Variants in UNC79 observed in about 807,000 individuals in gnomAD.
UNC79 encodes unc-79 subunit of NALCN channel complex.
UNC79 carries 37 observed loss-of-function variants against 283.1 expected under a neutral mutation model. The observed-to-expected ratio is 0.13, with a 90% confidence interval of 0.10 to 0.17. The LOEUF (loss-of-function observed/expected upper bound fraction) is 0.17, where lower values mean the gene tolerates loss of function less well. Among genes scored for constraint, UNC79 ranks in the 10% least tolerant of loss-of-function variants. The pLI, the probability that UNC79 is intolerant of heterozygous loss-of-function variation, is 1.00. For synonymous variants in UNC79, 1,107 were observed against 1,200.2 expected (o/e 0.92, Z 1.61); for missense variants, 2,272 against 3,211.1 (o/e 0.71, Z 7.07).
At chr14:93,706,907 G>A (rs1395228703), downstream of UNC79, 1 of 1,614,150 alleles carries the variant, frequency 6.2e-7, no homozygotes, top group Non-Finnish European at 8.5e-7. Flanking sequence ...CTCTATGAGT[G>A]GACTCCTCGG....
chr14:93,542,325 A>G (rs1031930414), intron 13 of UNC79, 141 bp from the exon 14 acceptor site: 7 of 795,382 alleles, frequency 8.8e-6, no homozygotes, highest in East Asian at 2.7e-5. Flanking sequence ...TGGATAAGCG[A>G]TCCCCATTTT....
At chr14:93,453,793 C>CA in intron 1 of UNC79, among the ~76,000 whole-genome samples, 1 of 152,194 alleles carries the variant, frequency 6.6e-6, no homozygotes, top group Non-Finnish European at 1.5e-5. Context: ...CAAATTGTTA[C>CA]ATATCCAACA....
chr14:93,628,475 C>T (rs775246738), intron 30 of UNC79, among the ~76,000 whole-genome samples: 12 of 152,224 alleles, frequency 7.9e-5, no homozygotes, highest in African/African-American at 2.7e-4. Context: ...TCTTTCTCTT[C>T]TCTGTTTCTC....
chr14:93,580,165 A>G (rs764690616), exon 19 of UNC79: 19 of 1,613,032 alleles, frequency 1.2e-5, no homozygotes, highest in Admixed American at 1.7e-5. Context: ...TTACAAGATG[A>G]TGGAATCACG....
In UNC79 at chr14:93,654,041, T is replaced by A. The variant is rs2070622127; in HGVS notation, c.6282+16T>A. On this transcript the variant is annotated intron_variant, in intron 37 of 48. Coordinates refer to ENST00000555664, the Ensembl canonical transcript of UNC79. ...GCTCCTAGAGGTGGGTTTCCTTTAA[T>A]GACACCCTAAGCCCCAGCCGAAACT... 6.2e-7 allele frequency: 1 copy of A among 1,612,798 alleles called. No homozygotes were observed. Among genetic ancestry groups the A allele is most frequent in the African/African-American group, 1.3e-5 (1 of 74,882 alleles).
intron 35 of UNC79, among the ~76,000 whole-genome samples, chr14:93,647,434 GCA>G (rs1408911976): frequency 6.6e-6 from 1 of 152,198 alleles, no homozygotes; most frequent in Non-Finnish European, 1.5e-5. Context: ...GTCAAGGACA[GCA>G]TTTTTGAGGA....
At chr14:93,507,929 C>A (rs1034223881) in intron 7 of UNC79, among the ~76,000 whole-genome samples, 5 of 152,038 alleles carry the variant, frequency 3.3e-5, no homozygotes, top group Admixed American at 2.0e-4. Context: ...ATTTCCAGTG[C>A]CCTTTGTTGA....
At chr14:93,498,779 T>C (rs1191260647) in intron 7 of UNC79, among the ~76,000 whole-genome samples, 1 of 152,118 alleles carries the variant, frequency 6.6e-6, no homozygotes, top group Non-Finnish European at 1.5e-5. Flanking sequence ...TGTTTATGTA[T>C]ATATATTATT....
intron 14 of UNC79, among the ~76,000 whole-genome samples, chr14:93,563,171 G>T (rs1199449866): frequency 5.9e-5 from 9 of 152,200 alleles, no homozygotes; most frequent in African/African-American, 2.2e-4. Context: ...ATAGGTGGAA[G>T]TTTCAAAGGG....
At chr14:93,345,501 A>G (rs1342231813) in intron 1 of UNC79, among the ~76,000 whole-genome samples, 1 of 152,258 alleles carries the variant, frequency 6.6e-6, no homozygotes, top group Non-Finnish European at 1.5e-5. Context: ...AAAGAAATCT[A>G]AAGTGATAAT....
exon 15 of UNC79, chr14:93,571,920 T>C (rs1288577311): frequency 1.2e-6 from 2 of 1,614,024 alleles, no homozygotes; most frequent in Non-Finnish European, 1.7e-6. Context: ...ATAAGTCCTG[T>C]AGCACAGTGA....
At chr14:93,641,229 C>T (rs376210067) in exon 33 of UNC79, 32 of 1,612,554 alleles carry the variant, frequency 2.0e-5, no homozygotes, top group African/African-American at 1.1e-4. Context: ...GACGAGCAGC[C>T]GACGGTGATG....
At chr14:93,506,960 T>C (rs2059576389) in intron 7 of UNC79, among the ~76,000 whole-genome samples, 1 of 152,216 alleles carries the variant, frequency 6.6e-6, no homozygotes, top group Non-Finnish European at 1.5e-5. Context: ...TTCTACATAA[T>C]TCATATATTC....
In UNC79 at chr14:93,493,556, C is replaced by T. The variant is rs1042912633; in HGVS notation, c.713-2855C>T. Among the ~76,000 whole-genome samples the T allele has an allele frequency of 9.2e-5, 14 of 152,194 alleles. No individual in the cohort carries two copies. The East Asian group carries it at 2.7e-3, about 29-fold the overall frequency. Reference sequence around the variant, plus strand: ...AATTGAAACTGAAGAATAAGCAGATCTTTCTGAAAGCTATTTAGGAAGTAA... The same window carrying T: ...AATTGAAACTGAAGAATAAGCAGATTTTTCTGAAAGCTATTTAGGAAGTAA... On this transcript the variant is annotated intron_variant, in intron 5 of 48. Transcript: ENST00000555664.
intron 6 of UNC79, among the ~76,000 whole-genome samples, chr14:93,496,932 CTACCTGTGAGGGCTCATT>C (rs2059039798): frequency 6.6e-6 from 1 of 152,132 alleles, no homozygotes; most frequent in African/African-American, 2.4e-5. Context: ...ACTTTGTACT[CTACCTGTGAGGGCTCATT>C]TACAGAAGGA....
intron 41 of UNC79, among the ~76,000 whole-genome samples, chr14:93,676,685 A>G (rs971447392): frequency 6.6e-6 from 1 of 152,226 alleles, no homozygotes; most frequent in Non-Finnish European, 1.5e-5. Flanking sequence ...TTTCAATGCA[A>G]TACATTAGTC....
intron 5 of UNC79, among the ~76,000 whole-genome samples, chr14:93,489,844 G>A (rs2058638170): frequency 6.6e-6 from 1 of 152,164 alleles, no homozygotes; most frequent in Admixed American, 6.5e-5. Context: ...AGTGATCCTG[G>A]CCCCCACAGT....
At chr14:93,706,578 C>T (rs1377021714) in intron 48 of UNC79, 126 bp from the exon 52 acceptor site, 8 of 1,061,704 alleles carry the variant, frequency 7.5e-6, no homozygotes, top group East Asian at 2.4e-5. Flanking sequence ...AGAGAGTTTG[C>T]CTTCTTCAGG....
At chr14:93,412,618 G>C (rs775094004) in intron 1 of UNC79, among the ~76,000 whole-genome samples, 1 of 152,028 alleles carries the variant, frequency 6.6e-6, no homozygotes, top group Non-Finnish European at 1.5e-5. Context: ...CCTTGAGGCA[G>C]TCTTCTTTGG....
Sources: gnomAD v4.1 joint callset for allele counts (sites outside exome capture counted in the v4.1 genomes callset) on GRCh38, gnomAD v4.1.1 for gene constraint, MANE v1.5 for transcripts, NCBI Gene and HGNC (gene_info 2026-07-23, HGNC 2026-07-21) for gene names.